Variants in PAX5 observed in about 807,000 individuals in gnomAD.
PAX5 encodes the protein paired box protein Pax-5.
Under a neutral mutation model 43.7 loss-of-function variants are expected in PAX5, and 9 were observed. That is an observed-to-expected ratio of 0.21 (90% CI 0.12 to 0.36). The LOEUF is 0.36. Ranked by LOEUF, PAX5 falls within the 10% of genes least tolerant of loss-of-function variation. The pLI, the probability that PAX5 is intolerant of heterozygous loss-of-function variation, is 1.00. For missense variants in PAX5, 383 were observed against 532.7 expected, an observed-to-expected ratio of 0.72 and a Z score of 2.77; for synonymous variants, 228 against 214.3, an observed-to-expected ratio of 1.06 and a Z score of -0.56.
At chr9:36,990,409 AGAG>A (rs917055982) in intron 5 of PAX5, among the ~76,000 whole-genome samples, 2 of 152,356 alleles carry the variant, frequency 1.3e-5, no homozygotes, top group African/African-American at 4.8e-5. Flanking sequence ...GCGCATGAAA[AGAG>A]GAGAGTGGAG....
chr9:36,989,286 G>T (rs1317248169), intron 5 of PAX5, among the ~76,000 whole-genome samples: 1 of 152,204 alleles, frequency 6.6e-6, no homozygotes, highest in East Asian at 1.9e-4. Flanking sequence ...AGCCTCATAC[G>T]GATGTCATCC....
intron 6 of PAX5, among the ~76,000 whole-genome samples, chr9:36,948,156 T>A (rs1832707336): frequency 6.6e-6 from 1 of 152,166 alleles, no homozygotes; most frequent in Admixed American, 6.5e-5. Context: ...GGGAGCAAAC[T>A]ATCCCAATCA....
rs117547902 is a variant in PAX5, at chr9:36,877,366, G to A, written c.1012+4638C>T. Among the ~76,000 whole-genome samples, 1,172 of 152,278 alleles carry A rather than the reference G, an allele frequency of 7.7e-3. 20 individuals are homozygous for A. The highest frequency in any genetic ancestry group is 0.07 in the East Asian group (364 of 5,184). On this transcript the variant is annotated intron_variant, in intron 8 of 9. Coordinates refer to ENST00000358127, the MANE Select transcript of PAX5 (RefSeq NM_016734.3). Reference sequence around the variant, plus strand: ...TTTAAAAAATGAAAAGAAAAAAGAAGTGAAAGTAGTGGCAGCTAAATGTTT... The same window carrying A: ...TTTAAAAAATGAAAAGAAAAAAGAAATGAAAGTAGTGGCAGCTAAATGTTT...
intron 6 of PAX5, among the ~76,000 whole-genome samples, chr9:36,948,207 A>T (rs915996363): frequency 6.6e-5 from 10 of 152,126 alleles, no homozygotes; most frequent in African/African-American, 2.4e-4. Flanking sequence ...AGGACCAGGG[A>T]CTCCAGAGCT....
rs577863510 is a variant in PAX5, at chr9:36,882,054, G to C, written c.962C>G (p.Pro321Arg). The C allele has an allele frequency of 3.7e-6, 6 of 1,612,110 alleles. No individual in the cohort carries two copies. Among genetic ancestry groups the C allele is most frequent in the South Asian group, 2.2e-5 (2 of 90,934 alleles). ...TLPGYPPHVP[P>R]AGQGSYSAPT... ...TGCTGAGTAGCTGCCCTGTCCAGCG[G>C]GGGGGACGTGTGGAGGGTACCCGGG... The change falls in exon 8 of 10, where the codon CCC becomes CGC. Residue 321 changes from proline (P) to arginine (R), a missense_variant. By Grantham distance (103) the Pro-to-Arg change is moderately radical. This residue lies in a region of PAX5 where 291 missense variants were observed against 342.5 expected (regional missense o/e 0.85). Transcript: ENST00000358127. The surrounding 1 kb of genome is among the most constrained non-coding windows in gnomAD (Gnocchi z 4.4).
At chr9:36,911,518 G>A (rs1173354230) in intron 7 of PAX5, among the ~76,000 whole-genome samples, 3 of 152,326 alleles carry the variant, frequency 2.0e-5, no homozygotes, top group Non-Finnish European at 2.9e-5. Context: ...GGACGGCCCC[G>A]TGGCCGACAC....
chr9:36,881,569 A>T (rs949349780), intron 8 of PAX5, among the ~76,000 whole-genome samples: 18 of 151,824 alleles, frequency 1.2e-4, no homozygotes, highest in African/African-American at 3.9e-4. Flanking sequence ...TGAACACATT[A>T]TCCTCAACCC....
chr9:36,892,251 G>A (rs576224310), intron 7 of PAX5, among the ~76,000 whole-genome samples: 3 of 152,194 alleles, frequency 2.0e-5, no homozygotes, highest in Non-Finnish European at 2.9e-5. Flanking sequence ...AGGGCAAAGT[G>A]GGCTAGCTCG....
chr9:36,938,480 T>C lies in PAX5; in HGVS notation c.781-14996A>G, dbSNP rs1831750050. ...CAAAGCTCAAATAACATAAAACTGC[T>C]TGCTAGAAATAGGCTTCCCACAAAC... On this transcript the variant is annotated intron_variant, in intron 6 of 9. Coordinates refer to ENST00000358127, the MANE Select transcript of PAX5 (RefSeq NM_016734.3). Among the ~76,000 whole-genome samples the C allele has an allele frequency of 2.0e-5, 3 of 152,262 alleles. No homozygotes were observed. The South Asian group carries it at 6.2e-4, about 32-fold the overall frequency.
At chr9:36,848,350 C>CACACACACACACACACACA (rs139370055) in intron 8 of PAX5, among the ~76,000 whole-genome samples, 11 of 136,366 alleles carry the variant, frequency 8.1e-5, no homozygotes, top group African/African-American at 3.1e-4. Context: ...CAGAGCGTGT[C>CACACACACACACACACACA]CACACACACA....
chr9:36,896,540 G>A (rs1383815123), intron 7 of PAX5, among the ~76,000 whole-genome samples: 5 of 152,130 alleles, frequency 3.3e-5, no homozygotes, highest in Non-Finnish European at 7.4e-5. Context: ...CTGCTAGGCT[G>A]GTGCTGCAGG....
chr9:37,009,927 G>A (rs1256625705), intron 3 of PAX5, among the ~76,000 whole-genome samples: 1 of 152,128 alleles, frequency 6.6e-6, no homozygotes, highest in Non-Finnish European at 1.5e-5. Context: ...AATGCATCAG[G>A]GTTGTCCTTT....
intron 1 of PAX5, among the ~76,000 whole-genome samples, chr9:37,033,729 C>T (rs1252258056): frequency 5.3e-5 from 8 of 152,158 alleles, no homozygotes; most frequent in Non-Finnish European, 4.4e-5. Flanking sequence ...CACACAGGCC[C>T]TAACTTGCAG....
intron 6 of PAX5, among the ~76,000 whole-genome samples, chr9:36,945,250 T>G (rs1832393761): frequency 6.6e-6 from 1 of 152,182 alleles, no homozygotes; most frequent in South Asian, 2.1e-4. Context: ...TTTGTTTGTT[T>G]GTTTGAAACA....
At position 37,015,859 on chromosome 9, in the gene PAX5, C is replaced by T. The variant is rs1446912863; in HGVS notation, c.213-665G>A. The stretch of plus-strand genomic sequence containing the variant: ...CCTCCCAAAGTGCTGGGATTACAGG[C>T]ATGAGCCACCACGCCCGGCCAGTCT... On this transcript the variant is annotated intron_variant, in intron 2 of 9. Transcript: ENST00000358127. The surrounding 1 kb of genome is among the most constrained non-coding windows in gnomAD (Gnocchi z 4.4). Among the ~76,000 whole-genome samples, 2 of 152,232 alleles carry T rather than the reference C, an allele frequency of 1.3e-5. No individual in the cohort carries two copies. The highest frequency in any genetic ancestry group is 6.5e-5 in the Admixed American group (1 of 15,288).
chr9:36,903,568 G>A (rs568176790), intron 7 of PAX5, among the ~76,000 whole-genome samples: 1 of 152,310 alleles, frequency 6.6e-6, no homozygotes, highest in East Asian at 1.9e-4. Context: ...GCATGTCCAG[G>A]TGGCCTGGCC....
At chr9:36,949,472 C>T (rs1233029016) in intron 6 of PAX5, among the ~76,000 whole-genome samples, 5 of 152,184 alleles carry the variant, frequency 3.3e-5, no homozygotes, top group East Asian at 1.9e-4. Flanking sequence ...AAGAAAAGTT[C>T]GTATTTGTTT....
chr9:36,836,795 G>C lies in PAX5; in HGVS notation c.*3765C>G, dbSNP rs1345221359. Reference sequence around the variant, plus strand: ...TGCGAAGGCAAAGAAAGGGAAGTGGGGGACAGCACATGACCTTGGCACCTG... The same window carrying C: ...TGCGAAGGCAAAGAAAGGGAAGTGGCGGACAGCACATGACCTTGGCACCTG... On this transcript the variant is annotated 3_prime_UTR_variant, in exon 10 of 10. Coordinates refer to ENST00000358127, the MANE Select transcript of PAX5 (RefSeq NM_016734.3). The C allele has an allele frequency of 8.6e-6, 2 of 232,274 alleles. No individual in the cohort carries two copies. Among genetic ancestry groups the C allele is most frequent in the South Asian group, 3.6e-4 (2 of 5,534 alleles). The allele number at this position is 232,274 out of a possible 1,614,324, so 14.4% of individuals were successfully genotyped here. A position where few individuals can be genotyped will look rare whatever the true frequency, so the allele number is the denominator to read the frequency against.
chr9:37,002,378 A>G (rs572487324), intron 5 of PAX5, among the ~76,000 whole-genome samples: 26 of 152,334 alleles, frequency 1.7e-4, no homozygotes, highest in Non-Finnish European at 3.4e-4. Context: ...TCAGGCCACA[A>G]GGGCTCTGCC....
Sources: allele counts gnomAD v4.1 joint callset (sites outside exome capture counted in the v4.1 genomes callset), GRCh38; gene constraint gnomAD v4.1.1; regional missense constraint gnomAD v4.1.1; non-coding constraint Gnocchi (gnomAD v3.1); transcripts MANE v1.5; gene names NCBI Gene and HGNC (gene_info 2026-07-23, HGNC 2026-07-21).